LRP1B: variants seen among roughly 807,000 people sequenced by gnomAD.
LRP1B encodes the protein low-density lipoprotein receptor-related protein 1B.
LRP1B carries 217 observed loss-of-function variants against 556.6 expected under a neutral mutation model. The observed-to-expected ratio is 0.39, with a 90% CI of 0.35 to 0.44. The LOEUF (loss-of-function observed/expected upper bound fraction) is 0.44, where lower values mean the gene tolerates loss of function less well. LRP1B is among the 20% of genes least tolerant of loss of function. The pLI, the probability that LRP1B is intolerant of heterozygous loss-of-function variation, is 1.00. For missense variants in LRP1B, 5,053 were observed against 5,620.8 expected, an observed-to-expected ratio of 0.90 and a Z score of 3.23; for synonymous variants, 2,047 against 1,865.8, an observed-to-expected ratio of 1.10 and a Z score of -2.50.
chr2:141,816,919 T>C (rs765740787), intron 1 of LRP1B, among the ~76,000 whole-genome samples: 4 of 152,304 alleles, frequency 2.6e-5, no homozygotes, highest in South Asian at 2.1e-4. Context: ...GACAGTTTTA[T>C]ATTATCCCTC....
At chr2:141,892,900 A>G (rs1558944530) in intron 1 of LRP1B, among the ~76,000 whole-genome samples, 1 of 152,204 alleles carries the variant, frequency 6.6e-6, no homozygotes, top group African/African-American at 2.4e-5. Context: ...CCACTTTGAC[A>G]TGACAATCTG....
intron 83 of LRP1B, among the ~76,000 whole-genome samples, chr2:140,298,295 T>A (rs1203349619): frequency 3.4e-5 from 4 of 117,940 alleles, no homozygotes; most frequent in African/African-American, 1.2e-4. Flanking sequence ...AATTTGGCCC[T>A]TTCAATTATT....
At chr2:141,544,679 T>C (rs1380894765) in intron 2 of LRP1B, among the ~76,000 whole-genome samples, 1 of 151,854 alleles carries the variant, frequency 6.6e-6, no homozygotes, top group Non-Finnish European at 1.5e-5. Context: ...TATTTCTTAT[T>C]TTTTGGGACA....
chr2:141,965,734 C>T (rs937737052), intron 1 of LRP1B, among the ~76,000 whole-genome samples: 28 of 114,016 alleles, frequency 2.5e-4, no homozygotes, highest in African/African-American at 7.9e-4. Context: ...TACCCTAAAA[C>T]TTAAAGTAGA....
At chr2:140,401,658 A>G (rs1684507999) in intron 66 of LRP1B, among the ~76,000 whole-genome samples, 1 of 151,630 alleles carries the variant, frequency 6.6e-6, no homozygotes, top group African/African-American at 2.4e-5. Context: ...AAATGAGAAT[A>G]CCTCCCCTGG....
At chr2:141,462,878 C>T (rs916295929) in intron 3 of LRP1B, among the ~76,000 whole-genome samples, 2 of 151,918 alleles carry the variant, frequency 1.3e-5, no homozygotes, top group African/African-American at 4.8e-5. Flanking sequence ...GTATGAATGG[C>T]TATTATATCA....
intron 2 of LRP1B, among the ~76,000 whole-genome samples, chr2:141,614,924 C>G (rs780933592): frequency 6.6e-6 from 1 of 152,120 alleles, no homozygotes; most frequent in Admixed American, 6.6e-5. Flanking sequence ...CACACTGCAT[C>G]CTGGTATAAT....
At chr2:140,400,312 G>A (rs144162511) in intron 66 of LRP1B, among the ~76,000 whole-genome samples, 8 of 152,240 alleles carry the variant, frequency 5.3e-5, no homozygotes, top group African/African-American at 1.9e-4. Context: ...TGATGAATAC[G>A]TATTCCAGCC....
chr2:141,363,180 C>T (rs890971288), intron 3 of LRP1B, among the ~76,000 whole-genome samples: 6 of 152,028 alleles, frequency 3.9e-5, no homozygotes, highest in Admixed American at 1.3e-4. Flanking sequence ...TGTTTTTGTC[C>T]ACCAGGTCTC....
intron 82 of LRP1B, 89 bp downstream of exon 82, chr2:140,321,874 G>A (rs2105052634): frequency 7.6e-7 from 1 of 1,308,530 alleles, no homozygotes; most frequent in Non-Finnish European, 1.1e-6. Context: ...AACTGATGAT[G>A]GAACAGATAA....
At chr2:141,777,667 G>A (rs970338146) in intron 2 of LRP1B, among the ~76,000 whole-genome samples, 1 of 151,900 alleles carries the variant, frequency 6.6e-6, no homozygotes, top group African/African-American at 2.4e-5. Flanking sequence ...CACCCATCTC[G>A]GCCTCCCAAA....
chr2:141,709,790 G>C (rs1692289412), intron 2 of LRP1B, among the ~76,000 whole-genome samples: 1 of 151,996 alleles, frequency 6.6e-6, no homozygotes, highest in African/African-American at 2.4e-5. Context: ...AATAAGATCG[G>C]TGTCTTAGTT....
intron 57 of LRP1B, among the ~76,000 whole-genome samples, chr2:140,489,629 C>A (rs1688617189): frequency 6.6e-6 from 1 of 152,050 alleles, no homozygotes; most frequent in Non-Finnish European, 1.5e-5. Context: ...TTAATAAATT[C>A]ATTCCAATAG....
intron 31 of LRP1B, among the ~76,000 whole-genome samples, chr2:140,829,912 CA>C (rs1691656180): frequency 6.6e-6 from 1 of 151,312 alleles, no homozygotes; most frequent in Non-Finnish European, 1.5e-5. Flanking sequence ...AAATCAGAAA[CA>C]AAAAAAGGAG....
intron 3 of LRP1B, among the ~76,000 whole-genome samples, chr2:141,306,162 G>T (rs888512831): frequency 1.6e-5 from 2 of 123,368 alleles, no homozygotes; most frequent in Non-Finnish European, 3.4e-5. Context: ...AGGAAAATCA[G>T]TGTGAACTAT....
chr2:141,187,074 C>T lies in LRP1B; in HGVS notation c.1013+1347G>A, dbSNP rs115356810. Among the ~76,000 whole-genome samples the T allele has an allele frequency of 2.3e-3, 353 of 152,096 alleles. 2 individuals are homozygous for T. Among genetic ancestry groups the T allele is most frequent in the African/African-American group, 8.0e-3 (331 of 41,526 alleles). On this transcript the variant is annotated intron_variant, in intron 7 of 90. Coordinates refer to ENST00000389484, the MANE Select transcript of LRP1B (RefSeq NM_018557.3). Reference sequence around the variant, plus strand: ...GGATGCCAAAAGAATGTTGTTAGTGCGTTTGTAAATTTCCAATTCTTTCTT... The same window carrying T: ...GGATGCCAAAAGAATGTTGTTAGTGTGTTTGTAAATTTCCAATTCTTTCTT...
chr2:141,853,533 G>C (rs984390983), intron 1 of LRP1B, among the ~76,000 whole-genome samples: 1 of 151,144 alleles, frequency 6.6e-6, no homozygotes, highest in East Asian at 1.9e-4. Context: ...ATGTTGTCTC[G>C]GTATTGTTAT....
At chr2:142,130,611 A>G in intron 1 of LRP1B, 37 bp downstream of exon 1, 1 of 1,554,612 alleles carries the variant, frequency 6.4e-7, no homozygotes, top group Non-Finnish European at 8.8e-7. Flanking sequence ...AAAGCCAAGG[A>G]AGTCAGGGGA....
At chr2:140,966,616 C>T (rs747257511) in intron 18 of LRP1B, among the ~76,000 whole-genome samples, 5 of 152,094 alleles carry the variant, frequency 3.3e-5, no homozygotes, top group Non-Finnish European at 5.9e-5. Context: ...AAGTCCTTGC[C>T]CATGCCTATG....
Sources: allele counts gnomAD v4.1 joint callset (sites outside exome capture counted in the v4.1 genomes callset), GRCh38; gene constraint gnomAD v4.1.1; transcripts MANE v1.5; gene names NCBI Gene and HGNC (gene_info 2026-07-23, HGNC 2026-07-21).